Variants in KIAA2012 observed in about 807,000 individuals in gnomAD.
KIAA2012 encodes uncharacterized protein KIAA2012.
Under a neutral mutation model 150.6 loss-of-function variants are expected in KIAA2012, and 125 were observed. The observed-to-expected ratio is 0.83, with a 90% CI of 0.72 to 0.96. KIAA2012 has a LOEUF of 0.96. Among genes scored for constraint, KIAA2012 ranks in the 40% least tolerant of loss-of-function variants. KIAA2012 has a pLI of 0.00. For synonymous variants in KIAA2012, 462 were observed against 504.7 expected, an observed-to-expected ratio of 0.92 and a Z score of 1.13; for missense variants, 1,219 against 1,354.9, an observed-to-expected ratio of 0.90 and a Z score of 1.57.
intron 15 of KIAA2012, among the ~76,000 whole-genome samples, chr2:202,169,616 G>C (rs1317129828): frequency 6.6e-6 from 1 of 152,186 alleles, no homozygotes; most frequent in Non-Finnish European, 1.5e-5. Context: ...TCATAGTGCA[G>C]TCTAGACCAG....
At position 202,073,290 on chromosome 2, in the gene KIAA2012, G is replaced by A; in HGVS notation, c.-338G>A. 8.8e-6 allele frequency: 2 copies of A among 226,350 alleles called. No individual in the cohort carries two copies. Among genetic ancestry groups the A allele is most frequent in the Non-Finnish European group, 1.8e-5 (2 of 114,070 alleles). The allele number at this position is 226,350 out of a possible 1,614,324, so 14.0% of individuals were successfully genotyped here. A position where few individuals can be genotyped will look rare whatever the true frequency, so the allele number is the denominator to read the frequency against. The stretch of plus-strand genomic sequence containing the variant: ...GATGGTGCTGTGGCCGAGATCTGTA[G>A]ATGCACACGGCTGGTAACAGAGCAA... On this transcript the variant is annotated 5_prime_UTR_variant, in exon 1 of 24. Coordinates refer to ENST00000498697, the MANE Select transcript of KIAA2012 (RefSeq NM_001277372.4).
Position 202,190,430 on chromosome 2 carries a change from G to A in KIAA2012, c.2748G>A (p.Gln916=). 1.3e-6 allele frequency: 2 copies of A among 1,548,948 alleles called. No individual in the cohort carries two copies. Among genetic ancestry groups the A allele is most frequent in the Non-Finnish European group, 1.7e-6 (2 of 1,146,040 alleles). Residue 916 remains glutamine, a synonymous_variant, in exon 19 of 24, where the codon CAG becomes CAA. Coordinates refer to ENST00000498697, the MANE Select transcript of KIAA2012 (RefSeq NM_001277372.4). The part of the protein sequence containing the change: ...VSLDGRSSPS[Q]IATVTGNMES... ...TAGATGGAAGATCATCACCCTCTCA[G>A]ATTGCAACTGTCACTGGCAACATGG...
chr2:202,205,174 G>A lies in KIAA2012; in HGVS notation c.*197G>A, dbSNP rs1272276242. The A allele has an allele frequency of 2.6e-5, 4 of 152,230 alleles. No homozygotes were observed. The highest frequency in any genetic ancestry group is 4.8e-5 in the African/African-American group (2 of 41,530). 9.4% of individuals were successfully genotyped at this position (152,230 alleles called of 1,614,324 possible). On this transcript the variant is annotated 3_prime_UTR_variant, in exon 24 of 24. Transcript: ENST00000498697. The stretch of plus-strand genomic sequence containing the variant: ...ACCATATCAGAGTGCAATGCATTTC[G>A]AAAAATCCAAAAAACTAAAAACAAG...
chr2:202,098,714 T>C (rs1384650473), intron 5 of KIAA2012, among the ~76,000 whole-genome samples: 1 of 152,108 alleles, frequency 6.6e-6, no homozygotes, highest in African/African-American at 2.4e-5. Flanking sequence ...AATGGAGCTA[T>C]TATCATATGT....
intron 2 of KIAA2012, among the ~76,000 whole-genome samples, chr2:202,081,901 G>A (rs999692451): frequency 1.3e-5 from 2 of 152,104 alleles, no homozygotes; most frequent in African/African-American, 2.4e-5. Context: ...TAAGCATGAT[G>A]ATTGGGTGTT....
chr2:202,183,644 C>T (rs1177401904), intron 15 of KIAA2012, among the ~76,000 whole-genome samples: 4 of 151,948 alleles, frequency 2.6e-5, no homozygotes, highest in South Asian at 2.1e-4. Context: ...GCAGGGATCA[C>T]AGGCATGCAC....
rs60064904 is a variant in KIAA2012 at position 202,133,130 on chromosome 2, ATT to A, written c.1832-5291_1832-5290del. ...AAAAAATATATATATATATATATAT[ATT>A]TTTTTTTTTTCTGGAGAATGGAGAC... On this transcript the variant is annotated intron_variant, in intron 12 of 23. Coordinates refer to ENST00000498697, the MANE Select transcript of KIAA2012 (RefSeq NM_001277372.4). Among the ~76,000 whole-genome samples the A allele has an allele frequency of 1.6e-4, 11 of 67,778 alleles. 1 individual carries two copies. Among genetic ancestry groups the A allele is most frequent in the African/African-American group, 5.2e-4 (9 of 17,178 alleles). 44.5% of individuals were successfully genotyped at this position (67,778 alleles called of 152,430 possible). A position where few individuals can be genotyped will look rare whatever the true frequency, so the allele number is the denominator to read the frequency against.
chr2:202,199,093 T>C (rs1692465727), intron 22 of KIAA2012, among the ~76,000 whole-genome samples: 1 of 152,030 alleles, frequency 6.6e-6, no homozygotes, highest in African/African-American at 2.4e-5. Flanking sequence ...CCAAGAGAAA[T>C]CTGGGCAATT....
chr2:202,088,283 G>A (rs980066323), intron 2 of KIAA2012, among the ~76,000 whole-genome samples: 2 of 152,090 alleles, frequency 1.3e-5, no homozygotes, highest in Non-Finnish European at 2.9e-5. Context: ...AAGTGAGGGG[G>A]AATAAGTGTT....
At chr2:202,178,457 A>T (rs1692042925) in intron 15 of KIAA2012, among the ~76,000 whole-genome samples, 1 of 152,158 alleles carries the variant, frequency 6.6e-6, no homozygotes, top group Admixed American at 6.5e-5. Context: ...CACATCCCAA[A>T]ACTGGGAAGG....
At position 202,184,787 on chromosome 2, in the gene KIAA2012, C is replaced by T; in HGVS notation, c.2154C>T (p.Pro718=). ...PEPRSMTLDS[P]RASRTEHIQT... ...CAAGGAGTATGACCCTTGACTCTCC[C>T]AGGGCTTCCCGGACTGAGCACATCC... The change falls in exon 16 of 24, where the codon CCC becomes CCT. Residue 718 remains proline, a synonymous_variant. Coordinates refer to ENST00000498697, the MANE Select transcript of KIAA2012 (RefSeq NM_001277372.4). 6.5e-7 allele frequency: 1 copy of T among 1,549,066 alleles called. No homozygotes were observed. Among genetic ancestry groups the T allele is most frequent in the Non-Finnish European group, 8.7e-7 (1 of 1,146,432 alleles).
At chr2:202,109,875 T>C in intron 10 of KIAA2012, 86 bp downstream of exon 10, 1 of 1,246,928 alleles carries the variant, frequency 8.0e-7, no homozygotes, top group Non-Finnish European at 1.1e-6. Context: ...TGATGTAAGT[T>C]TTCTGAAAGG....
intron 12 of KIAA2012, chr2:202,137,486 T>A (rs2105943923): frequency 6.6e-6 from 1 of 151,998 alleles, no homozygotes; most frequent in Non-Finnish European, 1.5e-5. Flanking sequence ...CCGGCTAATT[T>A]TTGTATTTTT....
In KIAA2012 at chr2:202,123,848, C is replaced by T. The variant is rs529822890; in HGVS notation, c.1763-1366C>T. 4.6e-5 allele frequency among the ~76,000 whole-genome samples: 7 copies of T among 152,008 alleles called. No homozygotes were observed. The South Asian group carries it at 6.3e-4, about 14-fold the overall frequency. On this transcript the variant is annotated intron_variant, in intron 11 of 23. Coordinates refer to ENST00000498697, the MANE Select transcript of KIAA2012 (RefSeq NM_001277372.4). ...CCTCCCTCTCCCTTCTCTCTCTCTC[C>T]GCTTCTCTCTCTCTCTCATACAAAC...
rs917543065 is a variant in KIAA2012, at chr2:202,099,727, C to T, written c.943C>T (p.Leu315Phe). Residue 315 changes from leucine (L) to phenylalanine (F), a missense_variant, in exon 6 of 24, where the codon CTC becomes TTC. Coordinates refer to ENST00000498697, the MANE Select transcript of KIAA2012 (RefSeq NM_001277372.4). ...FGHGRIDHSW[L>F]PSDKSHITFC... ...GCATGGCCGCATCGATCACTCTTGG[C>T]TCCCAAGTGACAAATCCCACATTAC... 21 of 1,550,490 alleles carry T rather than the reference C, an allele frequency of 1.4e-5. No individual in the cohort carries two copies. In the East Asian group the frequency reaches 4.9e-4, roughly 36 times the overall value.
At chr2:202,187,601 C>T (rs2105744670) in intron 17 of KIAA2012, among the ~76,000 whole-genome samples, 1 of 152,324 alleles carries the variant, frequency 6.6e-6, no homozygotes, top group South Asian at 2.1e-4. Flanking sequence ...GCCACTGCAC[C>T]TGGCCCCATT....
intron 12 of KIAA2012, among the ~76,000 whole-genome samples, chr2:202,134,457 T>G (rs1474569810): frequency 6.6e-6 from 1 of 152,222 alleles, no homozygotes; most frequent in Non-Finnish European, 1.5e-5. Context: ...TCTTTGGAGC[T>G]GATCTCTATT....
intron 12 of KIAA2012, 89 bp from the exon 13 acceptor site, chr2:202,138,343 G>GTGT: frequency 2.6e-6 from 2 of 762,452 alleles, no homozygotes; most frequent in Non-Finnish European, 4.5e-6. Flanking sequence ...ATATGAACTA[G>GTGT]GTGTGTGTGT....
intron 7 of KIAA2012, among the ~76,000 whole-genome samples, chr2:202,101,074 G>A (rs1690031598): frequency 6.6e-6 from 1 of 152,162 alleles, no homozygotes; most frequent in Non-Finnish European, 1.5e-5. Context: ...AACATGAGCA[G>A]GTCACTCACA....
Sources: gnomAD v4.1 joint callset for allele counts (sites outside exome capture counted in the v4.1 genomes callset) on GRCh38, gnomAD v4.1.1 for gene constraint, MANE v1.5 for transcripts, NCBI Gene and HGNC (gene_info 2026-07-23, HGNC 2026-07-21) for gene names.